The following GPC5 variants were observed in gnomAD, a reference collection of about 807,000 sequenced individuals.
The protein encoded by GPC5 is glypican-5.
GPC5 carries 47 observed loss-of-function variants against 53.9 expected under a neutral mutation model. The observed-to-expected ratio is 0.87, with a 90% CI of 0.69 to 1.11. The LOEUF (loss-of-function observed/expected upper bound fraction) is 1.11. Ranked by LOEUF, GPC5 falls within the 50% of genes most tolerant of loss-of-function variation. The pLI is 0.00. For synonymous variants in GPC5, 286 were observed against 263.3 expected, an observed-to-expected ratio of 1.09 and a Z score of -0.84; for missense variants, 748 against 713.1, an observed-to-expected ratio of 1.05 and a Z score of -0.56.
intron 6 of GPC5, chr13:91,996,154 C>T (rs2040502070): frequency 6.6e-6 from 1 of 152,218 alleles, no homozygotes; most frequent in Non-Finnish European, 1.5e-5. Flanking sequence ...CTTCACATCC[C>T]TGAGCTCTAG....
intron 7 of GPC5, among the ~76,000 whole-genome samples, chr13:92,615,547 G>C (rs954941531): frequency 6.6e-6 from 1 of 152,128 alleles, no homozygotes; most frequent in African/African-American, 2.4e-5. Context: ...GCATTAAGAA[G>C]TTATATAGCC....
chr13:91,761,897 G>A (rs926666922), intron 5 of GPC5, among the ~76,000 whole-genome samples: 1 of 152,196 alleles, frequency 6.6e-6, no homozygotes, highest in African/African-American at 2.4e-5. Flanking sequence ...GGGAGGGGCT[G>A]AAAGTCCCAA....
At chr13:92,297,080 C>T (rs1460523218) in intron 7 of GPC5, among the ~76,000 whole-genome samples, 1 of 152,238 alleles carries the variant, frequency 6.6e-6, no homozygotes, top group East Asian at 1.9e-4. Flanking sequence ...CAGGCAGCTC[C>T]ACCTGCAGCC....
intron 4 of GPC5, among the ~76,000 whole-genome samples, chr13:91,742,434 T>C (rs2036955530): frequency 6.6e-6 from 1 of 152,216 alleles, no homozygotes; most frequent in South Asian, 2.1e-4. Flanking sequence ...TCTTACTTTC[T>C]AGATGTTCAT....
intron 7 of GPC5, among the ~76,000 whole-genome samples, chr13:92,504,315 A>G (rs7993864): frequency 0.57 from 86,279 of 151,674 alleles, 25,281 homozygotes; most frequent in East Asian, 0.75. Flanking sequence ...TGACAGGTAT[A>G]AAACACTGGT....
rs142332788 is a variant in GPC5, at chr13:92,231,977, CAAAACA to C, written c.1561+87001_1561+87006del. On this transcript the variant is annotated intron_variant, in intron 7 of 7. Coordinates refer to ENST00000377067, the MANE Select transcript of GPC5 (RefSeq NM_004466.6). ...CGAAACTCCATCTCAAAAAACAAAA[CAAAACA>C]AAAACAAAAACATGGAAATTCCCTG... 4.0e-3 allele frequency among the ~76,000 whole-genome samples: 611 copies of C among 152,034 alleles called. 3 individuals carry two copies. Among genetic ancestry groups the C allele is most frequent in the African/African-American group, 0.014 (589 of 41,492 alleles).
chr13:91,911,289 A>G (rs1206276543), intron 6 of GPC5, among the ~76,000 whole-genome samples: 1 of 152,146 alleles, frequency 6.6e-6, no homozygotes, highest in Non-Finnish European at 1.5e-5. Flanking sequence ...CATGCCTGTA[A>G]TCTCAGCACT....
At chr13:92,329,692 T>C (rs1385536941) in intron 7 of GPC5, among the ~76,000 whole-genome samples, 1 of 152,204 alleles carries the variant, frequency 6.6e-6, no homozygotes, top group Admixed American at 6.5e-5. Flanking sequence ...TGTTTATTCA[T>C]TCACTTTAAT....
intron 6 of GPC5, among the ~76,000 whole-genome samples, chr13:92,061,992 C>G (rs990182330): frequency 2.0e-5 from 3 of 151,974 alleles, no homozygotes; most frequent in Non-Finnish European, 2.9e-5. Flanking sequence ...GTTTAACTAA[C>G]ATGTTTTCAA....
chr13:91,747,648 T>TA (rs2037080345), intron 4 of GPC5, among the ~76,000 whole-genome samples: 1 of 151,834 alleles, frequency 6.6e-6, no homozygotes, highest in African/African-American at 2.4e-5. Context: ...CTGGTTTTTT[T>TA]TTTTCTAATC....
intron 7 of GPC5, among the ~76,000 whole-genome samples, chr13:92,262,173 A>G (rs1201157971): frequency 1.3e-5 from 2 of 152,096 alleles, no homozygotes; most frequent in African/African-American, 4.8e-5. Flanking sequence ...ACTGCCATGG[A>G]CCTTGGAGCT....
At chr13:92,592,644 T>A (rs1883751514) in intron 7 of GPC5, among the ~76,000 whole-genome samples, 1 of 151,278 alleles carries the variant, frequency 6.6e-6, no homozygotes, top group African/African-American at 2.4e-5. Flanking sequence ...ACAAGGTAGA[T>A]TTGCTGATAG....
chr13:92,742,035 C>A (rs1313788685), intron 7 of GPC5, among the ~76,000 whole-genome samples: 1 of 151,982 alleles, frequency 6.6e-6, no homozygotes, highest in Admixed American at 6.6e-5. Flanking sequence ...AATACTGCCA[C>A]AATAAACATA....
rs374608162 is a variant in GPC5 at position 92,140,529 on chromosome 13, G to A, written c.1402-4301G>A. Among the ~76,000 whole-genome samples, 63 of 152,176 alleles carry A rather than the reference G, an allele frequency of 4.1e-4. No individual in the cohort carries two copies. In the South Asian group the frequency reaches 0.011, roughly 27 times the overall value. Reference sequence around the variant, plus strand: ...GTTTAGTTCTAGGAAATTAAGAAGCGGCCATGGTATGCATTTCTCAAACAT... The same window carrying A: ...GTTTAGTTCTAGGAAATTAAGAAGCAGCCATGGTATGCATTTCTCAAACAT... On this transcript the variant is annotated intron_variant, in intron 6 of 7. Coordinates refer to ENST00000377067, the MANE Select transcript of GPC5 (RefSeq NM_004466.6).
rs1204263144 is a variant in GPC5 at position 92,015,808 on chromosome 13, A to C, written c.1401+107751A>C. ...ATATATAGCAATTATTGTTGCAACA[A>C]ATGCCAAGCAGATAAATGAATGAAT... On this transcript the variant is annotated intron_variant, in intron 6 of 7. Coordinates refer to ENST00000377067, the MANE Select transcript of GPC5 (RefSeq NM_004466.6). 7.9e-5 allele frequency among the ~76,000 whole-genome samples: 12 copies of C among 152,330 alleles called. No homozygotes were observed. In the East Asian group the frequency reaches 2.3e-3, roughly 29 times the overall value.
At chr13:92,247,547 A>T (rs1273181787) in intron 7 of GPC5, among the ~76,000 whole-genome samples, 1 of 152,130 alleles carries the variant, frequency 6.6e-6, no homozygotes, top group Non-Finnish European at 1.5e-5. Flanking sequence ...GAAATTCTTT[A>T]TTAGAATTTG....
chr13:92,729,461 T>A (rs1161370355), intron 7 of GPC5, among the ~76,000 whole-genome samples: 2 of 151,466 alleles, frequency 1.3e-5, no homozygotes, highest in African/African-American at 4.8e-5. Flanking sequence ...GATATTTGAA[T>A]ATATCAAGTT....
At chr13:91,835,724 G>A (rs543935642) in intron 5 of GPC5, among the ~76,000 whole-genome samples, 2 of 151,814 alleles carry the variant, frequency 1.3e-5, no homozygotes, top group Non-Finnish European at 2.9e-5. Context: ...TCATACATCA[G>A]GGCCTGTCGG....
At chr13:92,556,788 A>C (rs1254611111) in intron 7 of GPC5, among the ~76,000 whole-genome samples, 1 of 151,912 alleles carries the variant, frequency 6.6e-6, no homozygotes, top group Non-Finnish European at 1.5e-5. Context: ...TGTTCTTAAA[A>C]CGGTGTTAAT....
Sources: allele counts gnomAD v4.1 joint callset (sites outside exome capture counted in the v4.1 genomes callset), GRCh38; gene constraint gnomAD v4.1.1; transcripts MANE v1.5; gene names NCBI Gene and HGNC (gene_info 2026-07-23, HGNC 2026-07-21).